The following CDH17 variants were observed in gnomAD, a reference collection of about 807,000 sequenced individuals.
The protein encoded by CDH17 is cadherin-17.
CDH17 carries 67 observed loss-of-function variants against 86.3 expected under a neutral mutation model. The ratio of observed to expected loss-of-function variants is 0.78; its 90% confidence interval spans 0.64 to 0.95. CDH17 has a LOEUF of 0.95. Ranked by LOEUF, CDH17 falls within the 40% of genes least tolerant of loss-of-function variation. The probability of loss-of-function intolerance (pLI) is 0.00; values close to 1 mark genes in which losing one functional copy is unlikely to be tolerated. For missense variants in CDH17, 993 were observed against 1,017.6 expected (o/e 0.98, Z 0.33); for synonymous variants, 367 against 366.4 (o/e 1.00, Z -0.02).
chr8:94,183,185 G>C (rs1813514801), intron 3 of CDH17, among the ~76,000 whole-genome samples: 1 of 152,102 alleles, frequency 6.6e-6, no homozygotes, highest in African/African-American at 2.4e-5. Flanking sequence ...TACTTCCCAA[G>C]TTTATCTACT....
At chr8:94,208,666 A>G (rs752030280), upstream of CDH17, 1 of 152,230 alleles carries the variant, frequency 6.6e-6, no homozygotes, top group Non-Finnish European at 1.5e-5. Context: ...TTCGAGAGCC[A>G]CTGGGTATCA....
In CDH17 at chr8:94,160,179, G is replaced by A. The variant is rs1398128234; in HGVS notation, c.1360-17C>T. The A allele has an allele frequency of 1.3e-6, 2 of 1,590,926 alleles. No individual in the cohort carries two copies. The highest frequency in any genetic ancestry group is 2.2e-5 in the East Asian group (1 of 44,610). On this transcript the variant is annotated splice_polypyrimidine_tract_variant and intron_variant, in intron 11 of 17. Transcript: ENST00000027335. ...GTTTCCATACTAAGGAGAAAATGGA[G>A]AAGGAAACAATGAGAAGGTCTGCTG...
At chr8:94,174,418 C>G (rs1378049456) in intron 5 of CDH17, among the ~76,000 whole-genome samples, 158 bp from the exon 6 acceptor site, 3 of 152,164 alleles carry the variant, frequency 2.0e-5, no homozygotes, top group Non-Finnish European at 4.4e-5. Context: ...CCACTCCCCC[C>G]TTCCCTAAAA....
At chr8:94,183,266 A>G (rs1333328574) in intron 3 of CDH17, among the ~76,000 whole-genome samples, 1 of 152,144 alleles carries the variant, frequency 6.6e-6, no homozygotes, top group African/African-American at 2.4e-5. Context: ...CCTAAAATTC[A>G]TATGGAACTA....
intron 15 of CDH17, among the ~76,000 whole-genome samples, chr8:94,138,406 C>G (rs1262443355): frequency 6.6e-6 from 1 of 152,180 alleles, no homozygotes; most frequent in Non-Finnish European, 1.5e-5. Context: ...ATAATTGCCT[C>G]AGCTTACCAC....
At chr8:94,153,311 A>G (rs1291078933) in intron 12 of CDH17, among the ~76,000 whole-genome samples, 2 of 152,180 alleles carry the variant, frequency 1.3e-5, no homozygotes, top group Admixed American at 6.5e-5. Flanking sequence ...TAAAACCCCA[A>G]TGAGATATTA....
intron 2 of CDH17, among the ~76,000 whole-genome samples, chr8:94,190,299 G>A (rs1813662409): frequency 6.6e-6 from 1 of 152,238 alleles, no homozygotes; most frequent in Non-Finnish European, 1.5e-5. Context: ...GGGTGAAACA[G>A]CCAAGGCAAC....
At chr8:94,162,298 G>T in intron 10 of CDH17, 136 bp from the exon 11 acceptor site, 1 of 644,438 alleles carries the variant, frequency 1.6e-6, no homozygotes, top group Non-Finnish European at 2.8e-6. Context: ...AATTTGTGCA[G>T]AGAGTGGGCT....
intron 15 of CDH17, among the ~76,000 whole-genome samples, chr8:94,136,589 C>T (rs989575972): frequency 1.3e-5 from 2 of 152,172 alleles, no homozygotes; most frequent in Non-Finnish European, 2.9e-5. Flanking sequence ...TTCAAATGTG[C>T]TCCTTTAGCT....
At chr8:94,135,709 G>A (rs1208686248) in intron 15 of CDH17, among the ~76,000 whole-genome samples, 1 of 152,074 alleles carries the variant, frequency 6.6e-6, no homozygotes, top group Admixed American at 6.5e-5. Flanking sequence ...ATGTTAGCTG[G>A]TTATTTTGCC....
chr8:94,169,085 T>C (rs1813220121), intron 9 of CDH17, among the ~76,000 whole-genome samples: 1 of 152,102 alleles, frequency 6.6e-6, no homozygotes, highest in Non-Finnish European at 1.5e-5. Flanking sequence ...AGGTAACAAA[T>C]AGACTATATG....
rs540238947 is a variant in CDH17, at chr8:94,143,062, G to T, written c.2167+2866C>A. ...TTCCAGAAGGTTTTCAATTTACTTT[G>T]CCCAGATCCATCAGAGGAATTACTA... On this transcript the variant is annotated intron_variant, in intron 15 of 17. Transcript: ENST00000027335. Among the ~76,000 whole-genome samples, 41 of 152,200 alleles carry T rather than the reference G, an allele frequency of 2.7e-4. No individual in the cohort carries two copies. In the South Asian group the frequency reaches 8.5e-3, roughly 32 times the overall value.
At chr8:94,173,772 A>G in intron 7 of CDH17, 25 bp downstream of exon 7, 1 of 1,585,700 alleles carries the variant, frequency 6.3e-7, no homozygotes, top group South Asian at 1.1e-5. Context: ...GTTGGCTCTC[A>G]GTGTTACTTG....
At chr8:94,216,776 T>C (rs1253704063) in intron 1 of CDH17, among the ~76,000 whole-genome samples, 2 of 152,224 alleles carry the variant, frequency 1.3e-5, no homozygotes, top group East Asian at 3.8e-4. Context: ...TCCACTCCTC[T>C]TCTTTATCTC....
At chr8:94,178,441 T>C (rs1813415370) in intron 3 of CDH17, among the ~76,000 whole-genome samples, 1 of 152,188 alleles carries the variant, frequency 6.6e-6, no homozygotes, top group Non-Finnish European at 1.5e-5. Context: ...CATAAAATGT[T>C]TGTACCCTTT....
intron 4 of CDH17, 113 bp from the exon 5 acceptor site, chr8:94,176,792 G>C (rs1410200751): frequency 9.1e-7 from 1 of 1,101,390 alleles, no homozygotes; most frequent in Non-Finnish European, 1.3e-6. Flanking sequence ...GTGACTGTAG[G>C]AGAGAAAGAA....
chr8:94,148,654 C>T, intron 14 of CDH17, 90 bp downstream of exon 14: 1 of 1,108,216 alleles, frequency 9.0e-7, no homozygotes, highest in Non-Finnish European at 1.2e-6. Flanking sequence ...TTGGCCCTGT[C>T]AGTTTTCTTA....
chr8:94,133,271 C>T (rs554629907), intron 15 of CDH17, among the ~76,000 whole-genome samples: 9 of 152,240 alleles, frequency 5.9e-5, no homozygotes, highest in East Asian at 1.9e-4. Context: ...GCCATTTTCA[C>T]GACATTGATT....
In CDH17 at chr8:94,177,081, C is replaced by T. The variant is rs533877656; in HGVS notation, c.286-402G>A. Among the ~76,000 whole-genome samples, 5 of 152,338 alleles carry T rather than the reference C, an allele frequency of 3.3e-5. No individual in the cohort carries two copies. In the East Asian group the frequency reaches 9.6e-4, roughly 29 times the overall value. ...CACTCTTTTTTCCATAGTAGGCTCT[C>T]TGACTTTCCTAGGTATTCAGATACC... On this transcript the variant is annotated intron_variant, in intron 4 of 17. Coordinates refer to ENST00000027335, the MANE Select transcript of CDH17 (RefSeq NM_004063.4).
Sources: allele counts gnomAD v4.1 joint callset (sites outside exome capture counted in the v4.1 genomes callset), GRCh38; gene constraint gnomAD v4.1.1; transcripts MANE v1.5; gene names NCBI Gene and HGNC (gene_info 2026-07-23, HGNC 2026-07-21).